Variants in NCOA5 observed in about 807,000 individuals in gnomAD.
The protein encoded by NCOA5 is NCoA-5.
In NCOA5, 12 loss-of-function variants were observed where a neutral mutation model predicts 59.0. That is an observed-to-expected ratio of 0.20 (90% CI 0.13 to 0.33). NCOA5 has a LOEUF of 0.33. NCOA5 is among the 10% of genes least tolerant of loss of function. NCOA5 has a pLI of 1.00. For synonymous variants in NCOA5, 270 were observed against 275.5 expected (o/e 0.98, Z 0.20); for missense variants, 655 against 766.6 (o/e 0.85, Z 1.72).
chr20:46,068,737 C>G, intron 3 of NCOA5, 99 bp from the exon 4 acceptor site: 1 of 1,090,910 alleles, frequency 9.2e-7, no homozygotes, highest in South Asian at 1.6e-5. Context: ...AGGTTTATAT[C>G]TGGGACTCAC....
At position 46,065,142 on chromosome 20, in the gene NCOA5, G is replaced by A. The variant is rs2084808866; in HGVS notation, c.716C>T (p.Ser239Leu). Residue 239 changes from serine (S) to leucine (L), a missense_variant, in exon 6 of 8, where the codon TCA becomes TTA. Ser to Leu is a moderately radical substitution (Grantham distance 145, BLOSUM62 -2). Around this residue, in one of 3 missense-constraint regions of NCOA5, gnomAD observed 80 missense variants for 153.3 expected, o/e 0.52. Coordinates refer to ENST00000290231, the MANE Select transcript of NCOA5 (RefSeq NM_020967.3). ...CCTGCTAACATCCTCCAAGGCTTGT[G>A]ACAGTGACACTTCTGTGTTAAGGAA... is the stretch of plus-strand genomic sequence containing the variant. ...LIFLNTEVSL[S>L]QALEDVSRGG... 2 of 1,614,180 alleles carry A rather than the reference G, an allele frequency of 1.2e-6. No homozygotes were observed. The highest frequency in any genetic ancestry group is 1.7e-6 in the Non-Finnish European group (2 of 1,180,032).
intron 1 of NCOA5, among the ~76,000 whole-genome samples, chr20:46,083,040 C>T (rs2085007938): frequency 6.6e-6 from 1 of 152,152 alleles, no homozygotes; most frequent in African/African-American, 2.4e-5. Context: ...AATCATAAAA[C>T]AACTCTTTTC....
rs575037402 is a variant in NCOA5, at chr20:46,079,890, TAAG to T, written c.-29-440_-29-438del. On this transcript the variant is annotated intron_variant, in intron 1 of 7. Coordinates refer to ENST00000290231, the MANE Select transcript of NCOA5 (RefSeq NM_020967.3). ...GGCAAATAATTCTATTTTATGTTACTAAGAAGTAATAGCTGGATTTCATTGTCT... is the reference window on the plus strand; with the variant it reads ...GGCAAATAATTCTATTTTATGTTACTAAGTAATAGCTGGATTTCATTGTCT... 3.3e-3 allele frequency among the ~76,000 whole-genome samples: 505 copies of T among 152,302 alleles called. 3 individuals are homozygous for T. Among genetic ancestry groups the T allele is most frequent in the South Asian group, 0.025 (119 of 4,828 alleles).
chr20:46,079,839 G>A (rs1479467212), intron 1 of NCOA5, among the ~76,000 whole-genome samples: 1 of 152,142 alleles, frequency 6.6e-6, no homozygotes, highest in African/African-American at 2.4e-5. Context: ...GGAAGATAAG[G>A]AGAGTTTAAA....
At chr20:46,080,492 A>G (rs2084981328) in intron 1 of NCOA5, among the ~76,000 whole-genome samples, 1 of 152,202 alleles carries the variant, frequency 6.6e-6, no homozygotes, top group Non-Finnish European at 1.5e-5. Flanking sequence ...AAGTACTCAC[A>G]TAATTCGAGT....
At chr20:46,063,990 G>A (rs2084795544) in intron 6 of NCOA5, among the ~76,000 whole-genome samples, 1 of 152,188 alleles carries the variant, frequency 6.6e-6, no homozygotes, top group African/African-American at 2.4e-5. Flanking sequence ...AGACCACGTG[G>A]GGAACAGCCA....
chr20:46,073,469 C>T (rs1387983888), intron 2 of NCOA5, among the ~76,000 whole-genome samples: 2 of 152,204 alleles, frequency 1.3e-5, no homozygotes, highest in African/African-American at 2.4e-5. Context: ...ATCATATAAT[C>T]TTCCTAACAT....
intron 1 of NCOA5, among the ~76,000 whole-genome samples, chr20:46,087,366 C>T (rs1156824846): frequency 6.6e-6 from 1 of 152,246 alleles, no homozygotes; most frequent in Non-Finnish European, 1.5e-5. Context: ...GCACTGCCAT[C>T]TGCAGGTCAT....
At chr20:46,087,485 C>T (rs1004558921) in intron 1 of NCOA5, among the ~76,000 whole-genome samples, 19 of 152,172 alleles carry the variant, frequency 1.2e-4, no homozygotes, top group Non-Finnish European at 2.1e-4. Context: ...TGGTTGGACG[C>T]GGTGGCTCAT....
chr20:46,088,802 C>A (rs1378599987), intron 1 of NCOA5, among the ~76,000 whole-genome samples: 1 of 152,226 alleles, frequency 6.6e-6, no homozygotes, highest in African/African-American at 2.4e-5. Context: ...GCCAGAAGAA[C>A]CACAATTAAT....
In NCOA5 at chr20:46,063,559, G is replaced by A. The variant is rs140074263; in HGVS notation, c.951C>T (p.Ala317=). 1.2e-4 allele frequency: 187 copies of A among 1,614,078 alleles called. 2 individuals are homozygous for A. In the African/African-American group the frequency reaches 2.2e-3, roughly 19 times the overall value. The change falls in exon 7 of 8, where the codon GCC becomes GCT. Residue 317 remains alanine, a synonymous_variant. Coordinates refer to ENST00000290231, the MANE Select transcript of NCOA5 (RefSeq NM_020967.3). ...CTCTTTCCTGCAGGATGGCTTCATC[G>A]GCCATCTTGGCTGCCTGTCTGGCAA... ...EEIARQAAKM[A]DEAILQERER...
chr20:46,086,464 T>C (rs2085046616), intron 1 of NCOA5, among the ~76,000 whole-genome samples: 2 of 152,220 alleles, frequency 1.3e-5, no homozygotes, highest in African/African-American at 2.4e-5. Flanking sequence ...ATGCTGGTAT[T>C]ATATATTTAG....
In NCOA5 at chr20:46,061,396, T is replaced by C. The variant is rs1372069853; in HGVS notation, c.*904A>G. On this transcript the variant is annotated 3_prime_UTR_variant, in exon 8 of 8. Transcript: ENST00000290231. ...TGACATCAAAGTGGTCCCTACCTCC[T>C]GCTGCTCAGGAAACAGAATAAGAGT... 6.6e-6 allele frequency: 1 copy of C among 152,644 alleles called. No individual in the cohort carries two copies. 9.5% of individuals were successfully genotyped at this position (152,644 alleles called of 1,614,324 possible).
rs556483519 is a variant in NCOA5, at chr20:46,079,538, C to A, written c.-29-85G>T. The A allele has an allele frequency of 1.1e-5, 12 of 1,095,224 alleles. No individual in the cohort carries two copies. The South Asian group carries it at 1.5e-4, about 13-fold the overall frequency. The allele number at this position is 1,095,224 out of a possible 1,614,324, so 67.8% of individuals were successfully genotyped here. A position where few individuals can be genotyped will look rare whatever the true frequency, so the allele number is the denominator to read the frequency against. On this transcript the variant is annotated intron_variant, in intron 1 of 7. Transcript: ENST00000290231. ...ACATTTCAAATGAAAGCAACAACAA[C>A]AAAAACTACAATGACAACCAGATGG...
At position 46,062,133 on chromosome 20, in the gene NCOA5, A is replaced by C; in HGVS notation, c.*167T>G. ...AAATGCAGTATAAACTTTGTAAGGAATAAGCAACACAGCCTTGGGCAGAAG... is the reference window on the plus strand; with the variant it reads ...AAATGCAGTATAAACTTTGTAAGGACTAAGCAACACAGCCTTGGGCAGAAG... On this transcript the variant is annotated 3_prime_UTR_variant, in exon 8 of 8. Transcript: ENST00000290231. 1 of 587,796 alleles carries C rather than the reference A, an allele frequency of 1.7e-6. No individual in the cohort carries two copies. The highest frequency in any genetic ancestry group is 3.0e-6 in the Non-Finnish European group (1 of 336,010). The allele number at this position is 587,796 out of a possible 1,614,324, so 36.4% of individuals were successfully genotyped here.
chr20:46,064,141 G>A lies in NCOA5; in HGVS notation c.830-461C>T, dbSNP rs572607626. Reference sequence around the variant, plus strand: ...CATCAGTTCAAAAGTCATAGATTAAGATCAAACTGTGACCCTAAATAACCT... The same window carrying A: ...CATCAGTTCAAAAGTCATAGATTAAAATCAAACTGTGACCCTAAATAACCT... On this transcript the variant is annotated intron_variant, in intron 6 of 7. Coordinates refer to ENST00000290231, the MANE Select transcript of NCOA5 (RefSeq NM_020967.3). 1.0e-3 allele frequency among the ~76,000 whole-genome samples: 154 copies of A among 152,302 alleles called. 1 individual carries two copies. Among genetic ancestry groups the A allele is most frequent in the African/African-American group, 3.6e-3 (149 of 41,562 alleles).
rs2084793822 is a variant in NCOA5, at chr20:46,063,830, G to T, written c.830-150C>A. On this transcript the variant is annotated intron_variant, in intron 6 of 7. Coordinates refer to ENST00000290231, the MANE Select transcript of NCOA5 (RefSeq NM_020967.3). ...TGAGATTGAGAGTGGGGTGGTGTGG[G>T]GGGAGAGATGAAGGCCAGGAAGGGA... 8.1e-5 allele frequency: 65 copies of T among 800,738 alleles called. 1 individual carries two copies. In the South Asian group the frequency reaches 1.1e-3, roughly 14 times the overall value. 49.6% of individuals were successfully genotyped at this position (800,738 alleles called of 1,614,324 possible). A position where few individuals can be genotyped will look rare whatever the true frequency, so the allele number is the denominator to read the frequency against.
At chr20:46,084,275 G>C (rs1370543543) in intron 1 of NCOA5, among the ~76,000 whole-genome samples, 1 of 152,188 alleles carries the variant, frequency 6.6e-6, no homozygotes, top group Non-Finnish European at 1.5e-5. Flanking sequence ...CTCAGACCCA[G>C]GTCTTTCTTA....
intron 5 of NCOA5, 140 bp downstream of exon 5, chr20:46,066,915 A>G (rs2084830258): frequency 8.0e-6 from 8 of 994,670 alleles, no homozygotes; most frequent in Non-Finnish European, 1.0e-5. Flanking sequence ...TCTGTCACCT[A>G]TAACTGAAAG....
Sources: gnomAD v4.1 joint callset for allele counts (sites outside exome capture counted in the v4.1 genomes callset) on GRCh38, gnomAD v4.1.1 for gene constraint, gnomAD v4.1.1 regional missense constraint, MANE v1.5 for transcripts, NCBI Gene and HGNC (gene_info 2026-07-23, HGNC 2026-07-21) for gene names.